Variants in SIN3B observed in about 807,000 individuals in gnomAD.
The protein encoded by SIN3B is paired amphipathic helix protein Sin3b.
SIN3B carries 19 observed loss-of-function variants against 120.2 expected under a neutral mutation model. The observed-to-expected ratio is 0.16, with a 90% CI of 0.11 to 0.23. The LOEUF is 0.23. Ranked by LOEUF, SIN3B falls within the 10% of genes least tolerant of loss-of-function variation. SIN3B has a pLI of 1.00. For synonymous variants in SIN3B, 654 were observed against 653.2 expected (o/e 1.00, Z -0.02); for missense variants, 1,073 against 1,573.0 (o/e 0.68, Z 5.38).
In SIN3B at chr19:16,829,713, C is replaced by G. The variant is rs1304315017; in HGVS notation, c.121-78C>G. The G allele has an allele frequency of 2.8e-6, 4 of 1,419,280 alleles. No homozygotes were observed. The African/African-American group carries it at 4.2e-5, about 15-fold the overall frequency. 87.9% of individuals were successfully genotyped at this position (1,419,280 alleles called of 1,614,324 possible). On this transcript the variant is annotated intron_variant, in intron 1 of 18. Coordinates refer to ENST00000248054, the MANE Select transcript of SIN3B (RefSeq NM_001297595.2). ...GGCCCTCCGAAAGCCCAGCCCATCC[C>G]CTTCCCCTCAGGGACCCCGGCCCCT... is the stretch of plus-strand genomic sequence containing the variant.
intron 14 of SIN3B, among the ~76,000 whole-genome samples, chr19:16,875,776 G>A (rs1260622225): frequency 7.1e-6 from 1 of 141,686 alleles, no homozygotes; most frequent in Non-Finnish European, 1.5e-5. Flanking sequence ...TGGTCTGTTT[G>A]GTCTGGTCTG....
chr19:16,873,899 C>A (rs1366068818), intron 14 of SIN3B, among the ~76,000 whole-genome samples: 1 of 152,218 alleles, frequency 6.6e-6, no homozygotes, highest in Admixed American at 6.5e-5. Flanking sequence ...TGTTTTTTAG[C>A]AGTAGCAGTT....
chr19:16,851,217 CTG>C lies in SIN3B; in HGVS notation c.727-192_727-191del, dbSNP rs141745084. Among the ~76,000 whole-genome samples, 1,250 of 152,346 alleles carry C rather than the reference CTG, an allele frequency of 8.2e-3. 21 individuals carry two copies. The highest frequency in any genetic ancestry group is 0.029 in the African/African-American group (1,209 of 41,586). On this transcript the variant is annotated intron_variant, in intron 5 of 18. Transcript: ENST00000248054. ...TTTCTCCCAGCCTGGCAGTGTTAGT[CTG>C]TGATGATTCGGTTACCTTGGAATGT...
rs536584239 is a variant in SIN3B at position 16,851,112 on chromosome 19, G to A, written c.727-300G>A. Reference sequence around the variant, plus strand: ...GTGGCCGCCACATGAGCCCCCGCACGGGAAGACCCAACTCAGCTGTCTCCC... The same window carrying A: ...GTGGCCGCCACATGAGCCCCCGCACAGGAAGACCCAACTCAGCTGTCTCCC... On this transcript the variant is annotated intron_variant, in intron 5 of 18. Coordinates refer to ENST00000248054, the MANE Select transcript of SIN3B (RefSeq NM_001297595.2). Among the ~76,000 whole-genome samples the A allele has an allele frequency of 2.0e-5, 3 of 152,236 alleles. No individual in the cohort carries two copies. In the East Asian group the frequency reaches 5.8e-4, roughly 29 times the overall value.
intron 8 of SIN3B, among the ~76,000 whole-genome samples, chr19:16,861,763 CAAAA>C (rs959913779): frequency 1.3e-5 from 1 of 74,488 alleles, no homozygotes. Context: ...AACTCTGTCT[CAAAA>C]AAAAAAAAAA....
Position 16,878,665 on chromosome 19 carries a change from G to A in SIN3B, c.3331G>A (p.Val1111Met), listed in dbSNP as rs201269792. 41 of 1,613,010 alleles carry A rather than the reference G, an allele frequency of 2.5e-5. No individual in the cohort carries two copies. In the East Asian group the frequency reaches 4.9e-4, roughly 19 times the overall value. Residue 1111 changes from valine (V) to methionine (M), a missense_variant, in exon 19 of 19, where the codon GTG becomes ATG. Val to Met is a conservative substitution (Grantham distance 21, BLOSUM62 1). Around this residue, in one of 7 missense-constraint regions of SIN3B, gnomAD observed 311 missense variants for 400.3 expected, o/e 0.78. Transcript: ENST00000248054. ...CAAGACGCTGTGTGAGACAGTGCAC[G>A]TGCACGGCCTGCCCGTGACCCGCTA... ...PCKTLCETVH[V>M]HGLPVTRYRV...
chr19:16,863,011 C>A lies in SIN3B; in HGVS notation c.1266+452C>A, dbSNP rs146683431. The A allele has an allele frequency of 8.0e-6, 12 of 1,502,182 alleles. No homozygotes were observed. The African/African-American group carries it at 1.6e-4, about 21-fold the overall frequency. The allele number at this position is 1,502,182 out of a possible 1,614,324, so 93.1% of individuals were successfully genotyped here. A position where few individuals can be genotyped will look rare whatever the true frequency, so the allele number is the denominator to read the frequency against. On this transcript the variant is annotated intron_variant, in intron 9 of 18. Transcript: ENST00000248054. ...AAACTCTGGCCCACGGGCCCTGGCCCGCTGCCCGTGTTTGTAAATAAAGTT... is the reference window on the plus strand; with the variant it reads ...AAACTCTGGCCCACGGGCCCTGGCCAGCTGCCCGTGTTTGTAAATAAAGTT...
intron 3 of SIN3B, 28 bp downstream of exon 3, chr19:16,831,675 C>T (rs764057559): frequency 1.2e-6 from 2 of 1,610,442 alleles, no homozygotes; most frequent in Admixed American, 3.3e-5. Context: ...TTCGGGTGAT[C>T]TCAGCCTTCA....
At chr19:16,851,557 C>T in intron 6 of SIN3B, 23 bp downstream of exon 6, 1 of 1,565,872 alleles carries the variant, frequency 6.4e-7, no homozygotes, top group Non-Finnish European at 8.7e-7. Context: ...CACATGCAGC[C>T]ATGCCTGCAC....
chr19:16,851,264 C>A, intron 5 of SIN3B, 148 bp from the exon 6 acceptor site: 1 of 806,328 alleles, frequency 1.2e-6, no homozygotes, highest in Non-Finnish European at 1.9e-6. Flanking sequence ...GCTGGAGTCA[C>A]CTCACGCATG....
intron 11 of SIN3B, among the ~76,000 whole-genome samples, 171 bp from the exon 12 acceptor site, chr19:16,866,202 A>G (rs1343794935): frequency 6.6e-6 from 1 of 152,058 alleles, no homozygotes; most frequent in Non-Finnish European, 1.5e-5. Context: ...TAAGGCCATC[A>G]CGCCCTCCCT....
chr19:16,837,038 G>A (rs1400735987), intron 3 of SIN3B, among the ~76,000 whole-genome samples: 1 of 152,136 alleles, frequency 6.6e-6, no homozygotes, highest in African/African-American at 2.4e-5. Flanking sequence ...GGTGGCGCAT[G>A]GGAGAGGGCA....
chr19:16,848,097 T>A (rs1210088661), intron 5 of SIN3B, among the ~76,000 whole-genome samples: 1 of 152,240 alleles, frequency 6.6e-6, no homozygotes, highest in Non-Finnish European at 1.5e-5. Context: ...TTCCTTTTCC[T>A]GGCTGAATCA....
chr19:16,853,442 A>G (rs1971570526), intron 7 of SIN3B, among the ~76,000 whole-genome samples: 1 of 152,228 alleles, frequency 6.6e-6, no homozygotes, highest in Non-Finnish European at 1.5e-5. Context: ...GCTTTTTCTT[A>G]TATCAGGGAT....
At chr19:16,877,299 G>A (rs777741639) in intron 16 of SIN3B, 17 of 509,088 alleles carry the variant, frequency 3.3e-5, no homozygotes, top group East Asian at 1.0e-4. Context: ...TCCAGCTTCC[G>A]GGGGCTTCTG....
At position 16,878,226 on chromosome 19, in the gene SIN3B, C is replaced by T. The variant is rs772960055; in HGVS notation, c.2998C>T (p.Arg1000Trp). The T allele has an allele frequency of 6.9e-6, 11 of 1,596,984 alleles. No individual in the cohort carries two copies. Among genetic ancestry groups the T allele is most frequent in the African/African-American group, 1.3e-5 (1 of 74,612 alleles). Residue 1000 changes from arginine to tryptophan, a missense_variant, in exon 18 of 19, where the codon CGG (arginine) becomes TGG (tryptophan). Arg to Trp is a moderately radical substitution (Grantham distance 101). This residue lies in a region of SIN3B where 311 missense variants were observed against 400.3 expected (regional missense o/e 0.78). Coordinates refer to ENST00000248054, the MANE Select transcript of SIN3B (RefSeq NM_001297595.2). ...CCGCCGGTGGCAGAGCGAGCAGGCG[C>T]GGGCCCTGCGCGGTGAGGCCAGGAG... ...FRRRWQSEQARALRGEARSSW... is the reference protein window; with the variant it reads ...FRRRWQSEQAWALRGEARSSW...
chr19:16,841,207 T>C (rs573317066), intron 3 of SIN3B, among the ~76,000 whole-genome samples: 31 of 152,088 alleles, frequency 2.0e-4, no homozygotes, highest in African/African-American at 7.2e-4. Flanking sequence ...GCCTGTCTTT[T>C]CTCCCAAGCG....
At chr19:16,877,365 CAA>C in intron 16 of SIN3B, 178 bp from the exon 17 acceptor site, 2 of 590,784 alleles carry the variant, frequency 3.4e-6, no homozygotes, top group South Asian at 2.0e-5. Context: ...GGTCCTCTGT[CAA>C]GAGCTATAGT....
At position 16,866,370 on chromosome 19, in the gene SIN3B, C is replaced by A. The variant is rs1311234057; in HGVS notation, c.1623-3C>A. ...CTGGTGCTGACCTCTCTTCCCCCCG[C>A]AGACTGAAGGCCAAGGAAGAGGAGT... On this transcript the variant is annotated splice_region_variant and splice_polypyrimidine_tract_variant and intron_variant, in intron 11 of 18. Transcript: ENST00000248054. 1 of 1,610,204 alleles carries A rather than the reference C, an allele frequency of 6.2e-7. No individual in the cohort carries two copies. The highest frequency in any genetic ancestry group is 2.2e-5 in the East Asian group (1 of 44,818).
Sources: allele counts gnomAD v4.1 joint callset (sites outside exome capture counted in the v4.1 genomes callset), GRCh38; gene constraint gnomAD v4.1.1; regional missense constraint gnomAD v4.1.1; transcripts MANE v1.5; gene names NCBI Gene and HGNC (gene_info 2026-07-23, HGNC 2026-07-21).